The following LEMD1 variants were observed in gnomAD, a reference collection of about 807,000 sequenced individuals.
The protein encoded by LEMD1 is LEM domain-containing protein 1.
A neutral mutation model predicts 17.4 loss-of-function variants in LEMD1; 18 were observed. The observed-to-expected ratio is 1.04, with a 90% CI of 0.72 to 1.54. The LOEUF is 1.54. Ranked by LOEUF, LEMD1 falls within the 40% of genes most tolerant of loss-of-function variation. LEMD1 has a pLI of 0.00. For synonymous variants in LEMD1, 88 were observed against 77.8 expected (o/e 1.13, Z -0.69); for missense variants, 195 against 210.4 (o/e 0.93, Z 0.45).
At chr1:205,400,924 T>A (rs1327747543) in intron 4 of LEMD1, among the ~76,000 whole-genome samples, 2 of 141,768 alleles carry the variant, frequency 1.4e-5, no homozygotes, top group African/African-American at 5.2e-5. Flanking sequence ...TCAATTCCCA[T>A]CTATGAGTGA....
chr1:205,427,576 A>G (rs1666074563), intron 1 of LEMD1, among the ~76,000 whole-genome samples: 1 of 152,090 alleles, frequency 6.6e-6, no homozygotes, highest in African/African-American at 2.4e-5. Flanking sequence ...CGTGGTAAGG[A>G]GCAATGTCAT....
chr1:205,384,886 G>A (rs905224661), intron 4 of LEMD1, among the ~76,000 whole-genome samples: 2 of 151,842 alleles, frequency 1.3e-5, no homozygotes, highest in East Asian at 1.9e-4. Flanking sequence ...TTGATCAAGC[G>A]CTAAGCCCCA....
chr1:205,399,069 G>A (rs1293915030), intron 4 of LEMD1, among the ~76,000 whole-genome samples: 1 of 152,072 alleles, frequency 6.6e-6, no homozygotes, highest in Non-Finnish European at 1.5e-5. Flanking sequence ...ACAAAAATTA[G>A]CCGAGTGTGG....
At chr1:205,437,792 A>T (rs955964362) in intron 1 of LEMD1, 1 of 152,212 alleles carries the variant, frequency 6.6e-6, no homozygotes, top group Non-Finnish European at 1.5e-5. Flanking sequence ...ATAAGACATG[A>T]CTAGTCTAAG....
chr1:205,433,782 T>C lies in LEMD1; in HGVS notation c.-38-13208A>G, dbSNP rs566208806. On this transcript the variant is annotated intron_variant, in intron 1 of 3. Transcript: ENST00000367154. ...TGCTAGGCATCATGGTGGCTGAGCCTGCAGAAGAGGCAGCCAGCCCTCTCA... is the reference window on the plus strand; with the variant it reads ...TGCTAGGCATCATGGTGGCTGAGCCCGCAGAAGAGGCAGCCAGCCCTCTCA... Among the ~76,000 whole-genome samples, 13 of 152,328 alleles carry C rather than the reference T, an allele frequency of 8.5e-5. No homozygotes were observed. In the South Asian group the frequency reaches 2.3e-3, roughly 27 times the overall value.
chr1:205,391,345 G>A (rs1415591246), intron 4 of LEMD1, among the ~76,000 whole-genome samples: 1 of 151,964 alleles, frequency 6.6e-6, no homozygotes, highest in Admixed American at 6.5e-5. Context: ...AAGACAAGGT[G>A]GTGAGTTCCC....
chr1:205,398,460 T>A (rs1033745251), intron 4 of LEMD1, among the ~76,000 whole-genome samples: 4 of 152,216 alleles, frequency 2.6e-5, no homozygotes, highest in African/African-American at 7.2e-5. Context: ...CAATAGAAAT[T>A]GAGGCACAGA....
intron 4 of LEMD1, among the ~76,000 whole-genome samples, chr1:205,399,601 T>A (rs983024019): frequency 6.6e-6 from 1 of 152,200 alleles, no homozygotes; most frequent in Non-Finnish European, 1.5e-5. Flanking sequence ...AAGTATAAGA[T>A]GAGTCTGAAA....
At chr1:205,381,929 G>T in intron 5 of LEMD1, 73 bp from the exon 6 acceptor site, 1 of 1,462,764 alleles carries the variant, frequency 6.8e-7, no homozygotes, top group Non-Finnish European at 9.6e-7. Flanking sequence ...AAAGTGTGTG[G>T]GTCTTGAAGC....
chr1:205,389,983 G>T (rs557459840), intron 4 of LEMD1, among the ~76,000 whole-genome samples: 1 of 152,196 alleles, frequency 6.6e-6, no homozygotes, highest in South Asian at 2.1e-4. Context: ...TAACTAAAAG[G>T]CTTTAAAAAT....
intron 4 of LEMD1, among the ~76,000 whole-genome samples, chr1:205,398,665 A>G (rs2102377458): frequency 1.3e-5 from 2 of 152,196 alleles, no homozygotes; most frequent in Middle Eastern, 3.4e-3. Context: ...CAAGAAATGG[A>G]GTGGTGAGGT....
At chr1:205,420,639 A>T in intron 1 of LEMD1, 65 bp from the exon 2 acceptor site, 1 of 882,304 alleles carries the variant, frequency 1.1e-6, no homozygotes. Flanking sequence ...AATGTTACCA[A>T]TCCACATAAG....
At chr1:205,384,181 G>A (rs1042768358) in intron 5 of LEMD1, 107 bp downstream of exon 5, 44 of 583,386 alleles carry the variant, frequency 7.5e-5, no homozygotes, top group Non-Finnish European at 2.4e-5. Flanking sequence ...TTTCTCAACA[G>A]ATTCTTTTCA....
At chr1:205,419,205 C>CT in intron 3 of LEMD1, 25 bp downstream of exon 3, 1 of 1,610,492 alleles carries the variant, frequency 6.2e-7, no homozygotes, top group Non-Finnish European at 8.5e-7. Flanking sequence ...AAGTTGCCAT[C>CT]TAGCAGTACA....
At chr1:205,395,494 T>G (rs1199410915) in intron 4 of LEMD1, among the ~76,000 whole-genome samples, 1 of 151,548 alleles carries the variant, frequency 6.6e-6, no homozygotes, top group Non-Finnish European at 1.5e-5. Flanking sequence ...CTCAGGAGGC[T>G]GAGCCAGGAG....
rs1018747458 is a variant in LEMD1, at chr1:205,422,038, G to C, written c.-87C>G. 1 of 152,162 alleles carries C rather than the reference G, an allele frequency of 6.6e-6. No homozygotes were observed. The highest frequency in any genetic ancestry group is 6.5e-5 in the Admixed American group (1 of 15,280). 9.4% of individuals were successfully genotyped at this position (152,162 alleles called of 1,614,324 possible). ...CTATGCAATCGAGTTGGTTACTAAA[G>C]CTGGGTGAGTTTCACTCTGAGGTTT... On this transcript the variant is annotated 5_prime_UTR_variant, in exon 1 of 6. Coordinates refer to ENST00000367153, the MANE Select transcript of LEMD1 (RefSeq NM_001199050.2).
At chr1:205,406,339 T>C (rs1370615654) in intron 4 of LEMD1, among the ~76,000 whole-genome samples, 3 of 152,258 alleles carry the variant, frequency 2.0e-5, no homozygotes, top group Middle Eastern at 3.2e-3. Context: ...CAGGCCTCCT[T>C]GAGCTGTGGT....
upstream of LEMD1, among the ~76,000 whole-genome samples, chr1:205,422,721 C>T (rs1011007343): frequency 3.9e-5 from 6 of 152,146 alleles, no homozygotes; most frequent in Admixed American, 1.3e-4. Context: ...ATTTTAAAGA[C>T]GTGTGCAAGA....
chr1:205,423,129 T>A (rs1475824039), upstream of LEMD1, among the ~76,000 whole-genome samples: 1 of 152,208 alleles, frequency 6.6e-6, no homozygotes. Context: ...AGTCTGTAGT[T>A]TCAGTCCTTT....
Sources: gnomAD v4.1 joint callset for allele counts (sites outside exome capture counted in the v4.1 genomes callset) on GRCh38, gnomAD v4.1.1 for gene constraint, MANE v1.5 for transcripts, NCBI Gene and HGNC (gene_info 2026-07-23, HGNC 2026-07-21) for gene names.